SNTB2: variants seen among roughly 807,000 people sequenced by gnomAD.
SNTB2 encodes the protein syntrophin beta 2, also known as beta-2-syntrophin.
Under a neutral mutation model 46.2 loss-of-function variants are expected in SNTB2, and 34 were observed. The observed-to-expected ratio is 0.74, with a 90% CI of 0.56 to 0.98. The LOEUF (loss-of-function observed/expected upper bound fraction) is 0.98. Among genes scored for constraint, SNTB2 ranks in the 50% least tolerant of loss-of-function variants. The probability of loss-of-function intolerance (pLI) is 0.00; values close to 1 mark genes in which losing one functional copy is unlikely to be tolerated. For synonymous variants in SNTB2, 290 were observed against 312.6 expected (o/e 0.93, Z 0.76); for missense variants, 603 against 731.4 (o/e 0.82, Z 2.02).
At chr16:69,265,226 G>A (rs1964873096) in intron 3 of SNTB2, among the ~76,000 whole-genome samples, 1 of 152,158 alleles carries the variant, frequency 6.6e-6, no homozygotes, top group Non-Finnish European at 1.5e-5. Flanking sequence ...TCCAGCCTGG[G>A]CAACAAAGCG....
chr16:69,200,044 AG>A (rs1964146341), intron 1 of SNTB2, among the ~76,000 whole-genome samples: 1 of 152,020 alleles, frequency 6.6e-6, no homozygotes, highest in Non-Finnish European at 1.5e-5. Flanking sequence ...CCTCTTGAGT[AG>A]CTAGGACTAC....
intron 1 of SNTB2, among the ~76,000 whole-genome samples, chr16:69,226,176 A>G (rs903493186): frequency 2.6e-5 from 4 of 151,922 alleles, no homozygotes; most frequent in Non-Finnish European, 4.4e-5. Context: ...GGTTAAAGCA[A>G]TTCTCCCGCC....
rs1306649126 is a variant in SNTB2, at chr16:69,302,808, A to G, written c.*1884A>G. On this transcript the variant is annotated 3_prime_UTR_variant, in exon 7 of 7. Transcript: ENST00000336278. ...ACTGGAAATTAAAATCTAGACAAGA[A>G]TATGTCTTTCAAGAGCTTTTTATGT... is the stretch of plus-strand genomic sequence containing the variant. The G allele has an allele frequency of 6.6e-6, 1 of 152,230 alleles. No homozygotes were observed. The highest frequency in any genetic ancestry group is 2.4e-5 in the African/African-American group (1 of 41,460). The allele number at this position is 152,230 out of a possible 1,614,324, so 9.4% of individuals were successfully genotyped here.
At chr16:69,289,626 T>C (rs969756899) in intron 5 of SNTB2, among the ~76,000 whole-genome samples, 9 of 152,114 alleles carry the variant, frequency 5.9e-5, no homozygotes, top group African/African-American at 2.2e-4. Flanking sequence ...CCCTAAGATA[T>C]ATACAAATAT....
intron 2 of SNTB2, among the ~76,000 whole-genome samples, chr16:69,252,283 A>T (rs1444709571): frequency 6.6e-6 from 1 of 152,018 alleles, no homozygotes; most frequent in Non-Finnish European, 1.5e-5. Flanking sequence ...CCCTTCCTCT[A>T]CCTTGAGTTT....
At chr16:69,245,182 C>T (rs1964657645) in intron 1 of SNTB2, among the ~76,000 whole-genome samples, 1 of 151,946 alleles carries the variant, frequency 6.6e-6, no homozygotes, top group Admixed American at 6.6e-5. Context: ...CTTTTTTCCC[C>T]CATTTTTTGT....
chr16:69,245,707 A>T lies in SNTB2; in HGVS notation c.686A>T (p.Glu229Val). 1 of 1,614,116 alleles carries T rather than the reference A, an allele frequency of 6.2e-7. No homozygotes were observed. Among genetic ancestry groups the T allele is most frequent in the African/African-American group, 1.3e-5 (1 of 75,024 alleles). Residue 229 changes from glutamate (E) to valine (V), a missense_variant, in exon 2 of 7, where the codon GAG becomes GTG. By Grantham distance (121) the Glu-to-Val change is moderately radical. Around this residue, in one of 2 missense-constraint regions of SNTB2, gnomAD observed 537 missense variants for 692.4 expected, o/e 0.78. Transcript: ENST00000336278. ...APQSPSFSGS[E>V]DSGSPKHQNS... The stretch of plus-strand genomic sequence containing the variant: ...CAGTCACCAAGCTTTAGTGGCAGTG[A>T]GGACTCTGGTTCGCCAAAACACCAG...
intron 1 of SNTB2, among the ~76,000 whole-genome samples, chr16:69,221,536 G>A (rs1012208118): frequency 5.9e-5 from 9 of 152,178 alleles, no homozygotes; most frequent in African/African-American, 1.9e-4. Flanking sequence ...AGCAGTTTGG[G>A]AGGCTGACGT....
At chr16:69,219,263 T>C (rs1964377030) in intron 1 of SNTB2, among the ~76,000 whole-genome samples, 1 of 152,138 alleles carries the variant, frequency 6.6e-6, no homozygotes, top group African/African-American at 2.4e-5. Flanking sequence ...AAAGATTAAA[T>C]AACCTAAGGA....
rs1430078755 is a variant in SNTB2 at position 69,228,851 on chromosome 16, T to A, written c.581-16751T>A. Among the ~76,000 whole-genome samples, 5 of 152,224 alleles carry A rather than the reference T, an allele frequency of 3.3e-5. No individual in the cohort carries two copies. The East Asian group carries it at 7.7e-4, about 24-fold the overall frequency. ...AGGATGGTATATTATGTTTTGCAAATGAGAAAACTGAGGCTCAGAGGTAAT... is the reference window on the plus strand; with the variant it reads ...AGGATGGTATATTATGTTTTGCAAAAGAGAAAACTGAGGCTCAGAGGTAAT... On this transcript the variant is annotated intron_variant, in intron 1 of 6. Transcript: ENST00000336278.
At chr16:69,204,828 A>G (rs1406340490) in intron 1 of SNTB2, among the ~76,000 whole-genome samples, 1 of 152,160 alleles carries the variant, frequency 6.6e-6, no homozygotes, top group African/African-American at 2.4e-5. Context: ...CTTGGCATCA[A>G]ATTACTTTTC....
intron 5 of SNTB2, among the ~76,000 whole-genome samples, chr16:69,287,061 A>G (rs1965110509): frequency 1.3e-5 from 2 of 152,198 alleles, no homozygotes; most frequent in Non-Finnish European, 2.9e-5. Flanking sequence ...AAGTTTGAAA[A>G]TGTGTGCCCA....
At chr16:69,285,796 CTTAT>C (rs1252066720) in intron 5 of SNTB2, among the ~76,000 whole-genome samples, 1 of 147,860 alleles carries the variant, frequency 6.8e-6, no homozygotes, top group Non-Finnish European at 1.5e-5. Flanking sequence ...TTTCAGTTTA[CTTAT>C]TTATTTTTTT....
chr16:69,249,023 C>CTTTT (rs34530998), intron 2 of SNTB2, among the ~76,000 whole-genome samples: 23 of 125,784 alleles, frequency 1.8e-4, no homozygotes, highest in South Asian at 5.1e-4. Flanking sequence ...TCATTTCTTT[C>CTTTT]TTTTTTTTTT....
chr16:69,212,185 C>G (rs1410117504), intron 1 of SNTB2, among the ~76,000 whole-genome samples: 1 of 152,236 alleles, frequency 6.6e-6, no homozygotes, highest in Non-Finnish European at 1.5e-5. Context: ...TGCTGTAACA[C>G]TAGCCAGGCA....
chr16:69,190,509 C>T lies in SNTB2; in HGVS notation c.580+2763C>T, dbSNP rs1453391724. 2.6e-5 allele frequency among the ~76,000 whole-genome samples: 4 copies of T among 152,156 alleles called. No individual in the cohort carries two copies. In the South Asian group the frequency reaches 6.2e-4, roughly 24 times the overall value. On this transcript the variant is annotated intron_variant, in intron 1 of 6. Coordinates refer to ENST00000336278, the MANE Select transcript of SNTB2 (RefSeq NM_006750.4). ...AGTTTAGAGTTGAGATGTGGGGAAA[C>T]GGAGAAGTAAATAAGTACAGCAGAG...
chr16:69,198,985 C>G (rs553092123), intron 1 of SNTB2, among the ~76,000 whole-genome samples: 3 of 151,522 alleles, frequency 2.0e-5, no homozygotes, highest in African/African-American at 7.3e-5. Context: ...CAACCTCTGC[C>G]TCCCAGGCTC....
intron 5 of SNTB2, among the ~76,000 whole-genome samples, chr16:69,287,126 G>A (rs2143168741): frequency 6.6e-6 from 1 of 152,294 alleles, no homozygotes; most frequent in Admixed American, 6.5e-5. Context: ...TTCCATTGTG[G>A]AAGCGCCCTC....
chr16:69,218,484 C>T (rs995483161), intron 1 of SNTB2, among the ~76,000 whole-genome samples: 39 of 151,382 alleles, frequency 2.6e-4, no homozygotes, highest in African/African-American at 9.5e-4. Flanking sequence ...TGCAGTGGCA[C>T]GATCTCGGCT....
Sources: gnomAD v4.1 joint callset for allele counts (sites outside exome capture counted in the v4.1 genomes callset) on GRCh38, gnomAD v4.1.1 for gene constraint, gnomAD v4.1.1 regional missense constraint, MANE v1.5 for transcripts, NCBI Gene and HGNC (gene_info 2026-07-23, HGNC 2026-07-21) for gene names.